Variants in EPG5 observed in about 807,000 individuals in gnomAD.
The protein encoded by EPG5 is ectopic P-granules 5 autophagy tethering factor, also known as ectopic P granules protein 5 homolog.
EPG5 carries 159 observed loss-of-function variants against 302.7 expected under a neutral mutation model. The observed-to-expected ratio is 0.53, with a 90% CI of 0.46 to 0.60. EPG5 has a LOEUF of 0.60. Ranked by LOEUF, EPG5 falls within the 20% of genes least tolerant of loss-of-function variation. The pLI, the probability that EPG5 is intolerant of heterozygous loss-of-function variation, is 0.00. For synonymous variants in EPG5, 1,158 were observed against 1,136.8 expected (o/e 1.02, Z -0.37); for missense variants, 2,896 against 3,092.4 (o/e 0.94, Z 1.51).
At chr18:45,911,207 C>T (rs1489720711) in intron 22 of EPG5, among the ~76,000 whole-genome samples, 3 of 151,662 alleles carry the variant, frequency 2.0e-5, no homozygotes, top group African/African-American at 7.3e-5. Context: ...CTGCAACCTC[C>T]ACCTCCTGGC....
chr18:45,853,264 C>G (rs56008497), intron 43 of EPG5, among the ~76,000 whole-genome samples: 3,632 of 152,300 alleles, frequency 0.024, 154 homozygotes, highest in African/African-American at 0.083. Context: ...GCATGAAGTA[C>G]ATAGGTTCCT....
In EPG5 at chr18:45,852,669, A is replaced by G; in HGVS notation, c.7558-20T>C. On this transcript the variant is annotated intron_variant, in intron 43 of 43. Coordinates refer to ENST00000282041, the MANE Select transcript of EPG5 (RefSeq NM_020964.3). ...CAGAGCCTAAAAGACACGGAAGATGAGAGGGTTAACTCCATAGAGGCACAT... is the reference window on the plus strand; with the variant it reads ...CAGAGCCTAAAAGACACGGAAGATGGGAGGGTTAACTCCATAGAGGCACAT... The G allele has an allele frequency of 6.2e-7, 1 of 1,610,150 alleles. No individual in the cohort carries two copies. The highest frequency in any genetic ancestry group is 8.5e-7 in the Non-Finnish European group (1 of 1,177,254).
At chr18:45,816,047 C>A in the EPG5 span, among the ~76,000 whole-genome samples, 1 of 152,142 alleles carries the variant, frequency 6.6e-6, no homozygotes, top group Non-Finnish European at 1.5e-5. Context: ...AGAAAGCACA[C>A]CCTTTTCAAC....
At chr18:45,943,737 C>T (rs1318296516) in intron 8 of EPG5, among the ~76,000 whole-genome samples, 2 of 151,970 alleles carry the variant, frequency 1.3e-5, no homozygotes, top group African/African-American at 4.8e-5. Flanking sequence ...CTGGCTAACA[C>T]GGTGAAACCC....
At chr18:45,965,361 C>T (rs534897969) in intron 1 of EPG5, among the ~76,000 whole-genome samples, 1 of 152,168 alleles carries the variant, frequency 6.6e-6, no homozygotes, top group Non-Finnish European at 1.5e-5. Context: ...TACTCATTAC[C>T]TGGGTGACAA....
At chr18:45,822,652 C>T in the EPG5 span, among the ~76,000 whole-genome samples, 26 of 152,148 alleles carry the variant, frequency 1.7e-4, no homozygotes, top group Middle Eastern at 3.4e-3. Context: ...TCACTATGTA[C>T]CCCATAAATA....
At chr18:45,866,122 C>CT (rs11390724) in intron 38 of EPG5, among the ~76,000 whole-genome samples, 37,782 of 141,448 alleles carry the variant, frequency 0.27, 6,664 homozygotes, top group African/African-American at 0.47. Context: ...GGTACTATTT[C>CT]TTTTTTTTTT....
intron 37 of EPG5, 90 bp downstream of exon 37, chr18:45,867,473 C>A (rs2048771234): frequency 9.4e-7 from 1 of 1,066,732 alleles, no homozygotes; most frequent in African/African-American, 1.6e-5. Context: ...GATAGGGGCA[C>A]TGGAAAAACA....
chr18:45,914,283 G>C (rs374201326), intron 20 of EPG5, among the ~76,000 whole-genome samples: 4 of 152,332 alleles, frequency 2.6e-5, no homozygotes, highest in African/African-American at 9.6e-5. Context: ...AGAGGGAAAG[G>C]CATGCTGGTA....
intron 21 of EPG5, among the ~76,000 whole-genome samples, chr18:45,913,310 C>A (rs1481207428): frequency 3.3e-5 from 5 of 152,024 alleles, no homozygotes; most frequent in Non-Finnish European, 7.4e-5. Context: ...CAGTCTTTCC[C>A]ACATATTAGT....
At chr18:45,837,860 T>C in the EPG5 span, 1 of 1,535,342 alleles carries the variant, frequency 6.5e-7, no homozygotes, top group Non-Finnish European at 8.7e-7. Flanking sequence ...CCATGACCGC[T>C]ACGAGAGCCG....
chr18:45,960,827 G>GT (rs1043608683), intron 1 of EPG5, among the ~76,000 whole-genome samples: 6 of 151,708 alleles, frequency 4.0e-5, no homozygotes, highest in South Asian at 4.2e-4. Flanking sequence ...TAAAACTAAA[G>GT]TTTTTTTTAA....
At chr18:45,876,651 C>T (rs2048976373) in intron 34 of EPG5, among the ~76,000 whole-genome samples, 1 of 151,746 alleles carries the variant, frequency 6.6e-6, no homozygotes, top group Admixed American at 6.6e-5. Flanking sequence ...ATCTTGGTTA[C>T]ATTTCAAATG....
At position 45,851,416 on chromosome 18, in the gene EPG5, C is replaced by T. The variant is rs560212167; in HGVS notation, c.*1051G>A. 2.6e-4 allele frequency: 39 copies of T among 152,244 alleles called. No homozygotes were observed. The highest frequency in any genetic ancestry group is 8.9e-4 in the African/African-American group (37 of 41,550). 9.4% of individuals were successfully genotyped at this position (152,244 alleles called of 1,614,324 possible). The stretch of plus-strand genomic sequence containing the variant: ...AATGAACTGTCAACAACAGAAGGCA[C>T]GTGGCTATGGAAAAAAAGCCAAATT... On this transcript the variant is annotated 3_prime_UTR_variant, in exon 44 of 44. Coordinates refer to ENST00000282041, the MANE Select transcript of EPG5 (RefSeq NM_020964.3).
At chr18:45,867,372 T>C (rs1599447033) in intron 37 of EPG5, among the ~76,000 whole-genome samples, 191 bp downstream of exon 37, 1 of 152,334 alleles carries the variant, frequency 6.6e-6, no homozygotes, top group African/African-American at 2.4e-5. Context: ...GTGTGGTTCT[T>C]TGCATAATTT....
downstream of EPG5, among the ~76,000 whole-genome samples, chr18:45,844,896 A>G (rs897685230): frequency 3.9e-5 from 6 of 152,236 alleles, no homozygotes; most frequent in African/African-American, 1.4e-4. Context: ...CCAGTTTCAC[A>G]GCCAAGAAAA....
At chr18:45,900,590 C>T (rs114413987) in intron 26 of EPG5, among the ~76,000 whole-genome samples, 2,441 of 152,204 alleles carry the variant, frequency 0.016, 59 homozygotes, top group African/African-American at 0.056. Context: ...CTTTTCCACA[C>T]TTCAATCAAT....
intron 9 of EPG5, among the ~76,000 whole-genome samples, chr18:45,940,582 T>G (rs975156391): frequency 6.6e-6 from 1 of 152,218 alleles, no homozygotes; most frequent in African/African-American, 2.4e-5. Flanking sequence ...GTTTCATTGA[T>G]TCAAAAGGAT....
At chr18:45,948,421 G>T in intron 6 of EPG5, 82 bp downstream of exon 6, 3 of 1,069,602 alleles carry the variant, frequency 2.8e-6, no homozygotes, top group South Asian at 1.3e-5. Context: ...GTTCTTCTTT[G>T]GATCTAGGCA....
Sources: gnomAD v4.1 joint callset for allele counts (sites outside exome capture counted in the v4.1 genomes callset) on GRCh38, gnomAD v4.1.1 for gene constraint, MANE v1.5 for transcripts, NCBI Gene and HGNC (gene_info 2026-07-23, HGNC 2026-07-21) for gene names.